The following DLGAP2 variants were observed in gnomAD, a reference collection of about 807,000 sequenced individuals.
DLGAP2 encodes disks large-associated protein 2.
DLGAP2 carries 26 observed loss-of-function variants against 100.3 expected under a neutral mutation model. That is an observed-to-expected ratio of 0.26 (90% CI 0.19 to 0.36). The LOEUF (loss-of-function observed/expected upper bound fraction) is 0.36. Ranked by LOEUF, DLGAP2 falls within the 10% of genes least tolerant of loss-of-function variation. DLGAP2 has a pLI of 1.00. For synonymous variants in DLGAP2, 886 were observed against 630.1 expected (o/e 1.41, Z -6.08); for missense variants, 1,858 against 1,453.2 (o/e 1.28, Z -4.53).
At chr8:1,355,510 G>T (rs1585293262) in intron 3 of DLGAP2, among the ~76,000 whole-genome samples, 2 of 151,968 alleles carry the variant, frequency 1.3e-5, no homozygotes, top group East Asian at 1.9e-4. Flanking sequence ...GATTACAGGT[G>T]TGTGCCACCA....
chr8:1,388,897 G>T lies in DLGAP2; in HGVS notation c.107-112469G>T, dbSNP rs542067615. Among the ~76,000 whole-genome samples, 11 of 134,086 alleles carry T rather than the reference G, an allele frequency of 8.2e-5. No homozygotes were observed. The East Asian group carries it at 2.7e-3, about 33-fold the overall frequency. 88.0% of individuals were successfully genotyped at this position (134,086 alleles called of 152,430 possible). ...GGGAGGCGCTGGTTCAAGTGTCAGG[G>T]CTGTGAGAGGCAGATGCCGTGGATG... is the stretch of plus-strand genomic sequence containing the variant. On this transcript the variant is annotated intron_variant, in intron 3 of 14. Transcript: ENST00000637795.
intron 2 of DLGAP2, among the ~76,000 whole-genome samples, chr8:1,076,820 GC>G (rs36040745): frequency 0.35 from 51,810 of 146,964 alleles, 9,060 homozygotes; most frequent in Middle Eastern, 0.39. Flanking sequence ...TCTGTCCCAG[GC>G]CCCCCCCCAA....
intron 7 of DLGAP2, among the ~76,000 whole-genome samples, chr8:1,628,799 G>T (rs759432006): frequency 2.0e-5 from 3 of 152,150 alleles, no homozygotes; most frequent in African/African-American, 7.2e-5. Context: ...GGGATTAAGA[G>T]CCTGAGCCGA....
chr8:1,331,492 C>G (rs763983194), intron 3 of DLGAP2, among the ~76,000 whole-genome samples: 3 of 152,180 alleles, frequency 2.0e-5, no homozygotes, highest in African/African-American at 4.8e-5. Context: ...CCAGGGAAGC[C>G]TTTTCTGATT....
At chr8:1,143,188 T>A (rs1425722580) in intron 2 of DLGAP2, among the ~76,000 whole-genome samples, 1 of 152,126 alleles carries the variant, frequency 6.6e-6, no homozygotes, top group Non-Finnish European at 1.5e-5. Context: ...GTTCTCTGTA[T>A]AAAGTTACTA....
chr8:890,385 C>T (rs749289647), intron 1 of DLGAP2, among the ~76,000 whole-genome samples: 56 of 152,262 alleles, frequency 3.7e-4, no homozygotes, highest in Non-Finnish European at 7.8e-4. Flanking sequence ...CTTTGACTTC[C>T]TTGACCATGG....
intron 2 of DLGAP2, among the ~76,000 whole-genome samples, chr8:1,249,314 T>G (rs1012524269): frequency 1.3e-5 from 2 of 152,314 alleles, no homozygotes; most frequent in Non-Finnish European, 2.9e-5. Flanking sequence ...TCAGCCTGCA[T>G]GAGCGTCTCA....
intron 1 of DLGAP2, among the ~76,000 whole-genome samples, chr8:886,468 G>A (rs1252856765): frequency 6.6e-6 from 1 of 152,122 alleles, no homozygotes; most frequent in Non-Finnish European, 1.5e-5. Context: ...CTGTTGGGGT[G>A]TCTATCTGAC....
Position 1,678,567 on chromosome 8 carries a change from G to C in DLGAP2, c.2642G>C (p.Arg881Thr). The change falls in exon 12 of 15, where the codon AGG becomes ACG. Residue 881 changes from arginine (R) to threonine (T), a missense_variant. Coordinates refer to ENST00000637795, the MANE Select transcript of DLGAP2 (RefSeq NM_001346810.2). Reference sequence around the variant, plus strand: ...AAGCTGCTGCACGCAGAGACAAAGAGGATGGAAGGCTGGTGCAAAGAGATG... The same window carrying C: ...AAGCTGCTGCACGCAGAGACAAAGACGATGGAAGGCTGGTGCAAAGAGATG... Reference protein sequence around the residue: ...FLKLLHAETKRMEGWCKEMER... With the variant: ...FLKLLHAETKTMEGWCKEMER... 1 of 1,585,206 alleles carries C rather than the reference G, an allele frequency of 6.3e-7. No homozygotes were observed. Among genetic ancestry groups the C allele is most frequent in the Non-Finnish European group, 8.6e-7 (1 of 1,166,076 alleles).
chr8:1,660,535 T>A (rs923122679), intron 8 of DLGAP2, among the ~76,000 whole-genome samples: 1 of 152,212 alleles, frequency 6.6e-6, no homozygotes, highest in African/African-American at 2.4e-5. Flanking sequence ...CATGTAAAAA[T>A]GCGTCTGGTA....
intron 4 of DLGAP2, among the ~76,000 whole-genome samples, chr8:1,512,019 G>T (rs1210690544): frequency 6.6e-6 from 1 of 152,246 alleles, no homozygotes; most frequent in Non-Finnish European, 1.5e-5. Context: ...TTACACATCT[G>T]ACTAACAATC....
At chr8:950,974 C>T (rs374011316) in intron 2 of DLGAP2, among the ~76,000 whole-genome samples, 2 of 152,090 alleles carry the variant, frequency 1.3e-5, no homozygotes, top group African/African-American at 2.4e-5. Context: ...GAAAAATTCA[C>T]CTGTATCTCC....
chr8:888,900 C>T (rs1045007223), intron 1 of DLGAP2, among the ~76,000 whole-genome samples: 1 of 152,104 alleles, frequency 6.6e-6, no homozygotes, highest in African/African-American at 2.4e-5. Context: ...TGTGAAGAGA[C>T]CACCAAACAG....
At chr8:958,310 G>T (rs948225441) in intron 2 of DLGAP2, among the ~76,000 whole-genome samples, 3 of 152,120 alleles carry the variant, frequency 2.0e-5, no homozygotes, top group Non-Finnish European at 4.4e-5. Flanking sequence ...ATGGGCATTT[G>T]GGCCATTTCT....
At chr8:940,199 A>C (rs1799162683) in intron 2 of DLGAP2, among the ~76,000 whole-genome samples, 1 of 152,018 alleles carries the variant, frequency 6.6e-6, no homozygotes, top group Admixed American at 6.5e-5. Flanking sequence ...ACATTTACTT[A>C]AGTTCTCTGA....
intron 2 of DLGAP2, among the ~76,000 whole-genome samples, chr8:1,228,897 C>A (rs751921978): frequency 6.6e-6 from 1 of 152,108 alleles, no homozygotes; most frequent in Non-Finnish European, 1.5e-5. Flanking sequence ...GTCACTACTT[C>A]TATTCAACAT....
chr8:1,446,247 C>T (rs1014278959), intron 3 of DLGAP2, among the ~76,000 whole-genome samples: 8 of 152,126 alleles, frequency 5.3e-5, no homozygotes, highest in African/African-American at 1.7e-4. Context: ...AGTCTTTAAT[C>T]GATCTTGAAT....
At chr8:1,675,134 G>T (rs1291422962) in intron 10 of DLGAP2, among the ~76,000 whole-genome samples, 2 of 152,222 alleles carry the variant, frequency 1.3e-5, no homozygotes, top group African/African-American at 2.4e-5. Flanking sequence ...CCAGTCTCGG[G>T]ACCGCTTCTG....
At chr8:1,423,052 C>CAAAGGTGA (rs1797143232) in intron 3 of DLGAP2, among the ~76,000 whole-genome samples, 1 of 152,140 alleles carries the variant, frequency 6.6e-6, no homozygotes, top group Non-Finnish European at 1.5e-5. Flanking sequence ...GACATCAAAA[C>CAAAGGTGA]AAAGGTGAAA....
Sources: allele counts gnomAD v4.1 joint callset (sites outside exome capture counted in the v4.1 genomes callset), GRCh38; gene constraint gnomAD v4.1.1; transcripts MANE v1.5; gene names NCBI Gene and HGNC (gene_info 2026-07-23, HGNC 2026-07-21).